Variants in ZRANB3 observed in about 807,000 individuals in gnomAD.
ZRANB3 encodes the protein zinc finger RANBP2-type containing 3.
Under a neutral mutation model 133.8 loss-of-function variants are expected in ZRANB3, and 125 were observed. The ratio of observed to expected loss-of-function variants is 0.93; its 90% CI spans 0.81 to 1.08. The LOEUF is 1.08. Ranked by LOEUF, ZRANB3 falls within the 50% of genes least tolerant of loss-of-function variation. The probability of loss-of-function intolerance (pLI) is 0.00; values close to 1 mark genes in which losing one functional copy is unlikely to be tolerated. For missense variants in ZRANB3, 1,229 were observed against 1,275.5 expected, an observed-to-expected ratio of 0.96 and a Z score of 0.56; for synonymous variants, 387 against 432.7, an observed-to-expected ratio of 0.89 and a Z score of 1.31.
intron 9 of ZRANB3, among the ~76,000 whole-genome samples, chr2:135,274,160 T>C (rs575739147): frequency 3.3e-5 from 5 of 152,306 alleles, no homozygotes; most frequent in Admixed American, 2.6e-4. Context: ...TTAATGAACA[T>C]ATTACCTAAT....
intron 12 of ZRANB3, among the ~76,000 whole-genome samples, chr2:135,237,127 G>A (rs543813142): frequency 9.9e-5 from 15 of 152,198 alleles, no homozygotes; most frequent in East Asian, 3.9e-4. Context: ...ACAAGTGGGC[G>A]AAGGATATGA....
intron 8 of ZRANB3, among the ~76,000 whole-genome samples, chr2:135,294,525 T>G (rs557033162): frequency 2.3e-3 from 345 of 152,196 alleles, no homozygotes; most frequent in African/African-American, 6.0e-3. Flanking sequence ...TATCAATTTT[T>G]TTGATATTTT....
chr2:135,504,282 A>G (rs756072720), intron 2 of ZRANB3, 47 bp downstream of exon 2: 2 of 1,607,900 alleles, frequency 1.2e-6, no homozygotes, highest in South Asian at 1.1e-5. Context: ...TTTTTAATAC[A>G]CTTTCCAGGA....
At position 135,453,050 on chromosome 2, in the gene ZRANB3, T is replaced by G. The variant is rs115855568; in HGVS notation, c.161+51279A>C. 7.3e-3 allele frequency among the ~76,000 whole-genome samples: 1,119 copies of G among 152,356 alleles called. 12 individuals are homozygous for G. Among genetic ancestry groups the G allele is most frequent in the African/African-American group, 0.026 (1,061 of 41,590 alleles). ...GGGCATGCGGGTGTTTCCATACAGC[T>G]TCTGAAATCTAGGCAGGGATTCCCA... On this transcript the variant is annotated intron_variant, in intron 2 of 20. Transcript: ENST00000264159.
At chr2:135,382,928 T>C (rs1686787442) in intron 3 of ZRANB3, among the ~76,000 whole-genome samples, 1 of 152,118 alleles carries the variant, frequency 6.6e-6, no homozygotes, top group African/African-American at 2.4e-5. Context: ...AGAAAGTGCA[T>C]CAACTAACGA....
At chr2:135,465,038 G>C (rs935332773) in intron 2 of ZRANB3, among the ~76,000 whole-genome samples, 11 of 152,172 alleles carry the variant, frequency 7.2e-5, no homozygotes, top group African/African-American at 2.7e-4. Flanking sequence ...GTCTATAGGA[G>C]AGCAAATGGA....
At chr2:135,258,638 T>C (rs1307708673) in intron 12 of ZRANB3, among the ~76,000 whole-genome samples, 2 of 152,366 alleles carry the variant, frequency 1.3e-5, no homozygotes, top group East Asian at 3.9e-4. Context: ...TGTCTCTATC[T>C]GTAACAATGA....
intron 2 of ZRANB3, among the ~76,000 whole-genome samples, chr2:135,418,077 T>A (rs1196367425): frequency 6.6e-6 from 1 of 152,004 alleles, no homozygotes; most frequent in Non-Finnish European, 1.5e-5. Context: ...AACTTGCACA[T>A]TGTCCACATG....
intron 1 of ZRANB3, chr2:135,512,010 G>A (rs550893589): frequency 2.5e-5 from 16 of 651,774 alleles, no homozygotes; most frequent in African/African-American, 2.2e-4. Flanking sequence ...CTGAGCTGGA[G>A]AGGAACTAAC....
intron 2 of ZRANB3, among the ~76,000 whole-genome samples, chr2:135,444,792 AT>A (rs1481708055): frequency 1.3e-5 from 2 of 152,298 alleles, no homozygotes; most frequent in East Asian, 1.9e-4. Flanking sequence ...TTATGTGTTA[AT>A]TTTTTATATG....
At chr2:135,424,124 CATT>C (rs1688973383) in intron 2 of ZRANB3, among the ~76,000 whole-genome samples, 2 of 152,276 alleles carry the variant, frequency 1.3e-5, no homozygotes, top group African/African-American at 4.8e-5. Flanking sequence ...GAAAAGTTGT[CATT>C]AGTACCTTCA....
At chr2:135,336,205 C>G (rs1558925596) in intron 6 of ZRANB3, among the ~76,000 whole-genome samples, 1 of 152,210 alleles carries the variant, frequency 6.6e-6, no homozygotes, top group African/African-American at 2.4e-5. Flanking sequence ...TACCTATACC[C>G]TAACTTCTCA....
At chr2:135,310,872 A>C (rs987950786) in intron 8 of ZRANB3, among the ~76,000 whole-genome samples, 16 of 152,074 alleles carry the variant, frequency 1.1e-4, no homozygotes, top group African/African-American at 3.9e-4. Context: ...CATGACTGAT[A>C]ACCTAAAGCT....
intron 1 of ZRANB3, among the ~76,000 whole-genome samples, chr2:135,512,196 C>T (rs569060470): frequency 1.5e-4 from 22 of 151,706 alleles, no homozygotes; most frequent in Admixed American, 2.6e-4. Flanking sequence ...TGGTATGGTA[C>T]GCAACACTTG....
intron 2 of ZRANB3, among the ~76,000 whole-genome samples, chr2:135,481,789 T>C (rs552850838): frequency 6.6e-6 from 1 of 151,552 alleles, no homozygotes; most frequent in African/African-American, 2.4e-5. Context: ...AACTGATTTT[T>C]GTATAAGGTG....
chr2:135,464,510 C>T (rs1559016624), intron 2 of ZRANB3, among the ~76,000 whole-genome samples: 4 of 152,128 alleles, frequency 2.6e-5, no homozygotes, highest in East Asian at 1.9e-4. Context: ...GAATAATTCA[C>T]AAAAAACCTT....
intron 17 of ZRANB3, among the ~76,000 whole-genome samples, chr2:135,214,033 CTGCCAACAA>C (rs1412154525): frequency 6.6e-6 from 1 of 152,130 alleles, no homozygotes; most frequent in Non-Finnish European, 1.5e-5. Flanking sequence ...GAACTGAGTT[CTGCCAACAA>C]TGTTAGTGAG....
At chr2:135,246,184 G>A (rs1003601462) in intron 12 of ZRANB3, among the ~76,000 whole-genome samples, 2 of 151,056 alleles carry the variant, frequency 1.3e-5, no homozygotes, top group African/African-American at 2.4e-5. Flanking sequence ...GATTACAGGT[G>A]TGAGCCACAG....
chr2:135,366,557 T>C (rs1685947406), intron 3 of ZRANB3, among the ~76,000 whole-genome samples: 1 of 151,468 alleles, frequency 6.6e-6, no homozygotes, highest in Non-Finnish European at 1.5e-5. Context: ...AAAACAAGAA[T>C]ATGAATCAAA....
Sources: allele counts gnomAD v4.1 joint callset (sites outside exome capture counted in the v4.1 genomes callset), GRCh38; gene constraint gnomAD v4.1.1; transcripts MANE v1.5; gene names NCBI Gene and HGNC (gene_info 2026-07-23, HGNC 2026-07-21).